The following EYS variants were observed in gnomAD, a reference collection of about 807,000 sequenced individuals.
EYS encodes protein eyes shut homolog.
In EYS, 250 loss-of-function variants were observed where a neutral mutation model predicts 282.1. The observed-to-expected ratio is 0.89, with a 90% CI of 0.80 to 0.98. The LOEUF (loss-of-function observed/expected upper bound fraction) is 0.98. EYS is among the 50% of genes least tolerant of loss of function. The pLI is 0.00. For missense variants in EYS, 4,016 were observed against 3,709.0 expected (o/e 1.08, Z -2.15); for synonymous variants, 1,355 against 1,282.9 (o/e 1.06, Z -1.20).
intron 12 of EYS, among the ~76,000 whole-genome samples, chr6:65,225,938 A>G (rs980627439): frequency 1.3e-5 from 2 of 152,078 alleles, no homozygotes; most frequent in African/African-American, 2.4e-5. Flanking sequence ...ATTATATTCA[A>G]TAACAAAAGA....
At chr6:63,756,610 G>A (rs1400324523) in intron 41 of EYS, among the ~76,000 whole-genome samples, 4 of 152,114 alleles carry the variant, frequency 2.6e-5, no homozygotes, top group African/African-American at 9.7e-5. Flanking sequence ...TCTCTGCCAG[G>A]CTTTGGTATC....
intron 30 of EYS, among the ~76,000 whole-genome samples, chr6:64,281,648 G>A (rs752284552): frequency 5.9e-5 from 9 of 152,104 alleles, no homozygotes; most frequent in Non-Finnish European, 1.0e-4. Context: ...AATCTTTTAA[G>A]CAAAGAATTG....
In EYS at chr6:64,797,682, T is replaced by C. The variant is rs145744290; in HGVS notation, c.3443+15696A>G. Among the ~76,000 whole-genome samples, 533 of 152,152 alleles carry C rather than the reference T, an allele frequency of 3.5e-3. 5 individuals are homozygous for C. The highest frequency in any genetic ancestry group is 0.016 in the East Asian group (84 of 5,180). ...TTAAATTATACTTTAAGTTTTAGGG[T>C]ACATGTGCACAATGTAAAAATATGT... On this transcript the variant is annotated intron_variant, in intron 22 of 42. Transcript: ENST00000503581.
intron 22 of EYS, chr6:64,631,471 G>C (rs1158401467): frequency 6.6e-6 from 1 of 152,080 alleles, no homozygotes; most frequent in South Asian, 2.1e-4. Flanking sequence ...TCCTCCTTTA[G>C]GCCCTCACTA....
rs56014632 is a variant in EYS, at chr6:65,485,805, C to CA, written c.862+4788dup. The stretch of plus-strand genomic sequence containing the variant: ...GGTGAAACAGTGAGACTGCCTCAAA[C>CA]AAAAAAAAAAATGTGAGCCATATTA... On this transcript the variant is annotated intron_variant, in intron 5 of 42. Coordinates refer to ENST00000503581, the MANE Select transcript of EYS (RefSeq NM_001142800.2). Among the ~76,000 whole-genome samples the CA allele has an allele frequency of 3.2e-4, 47 of 147,850 alleles. 1 individual carries two copies. Among genetic ancestry groups the CA allele is most frequent in the South Asian group, 1.1e-3 (5 of 4,690 alleles).
chr6:64,442,617 G>A (rs183901303), intron 26 of EYS, among the ~76,000 whole-genome samples: 3 of 152,282 alleles, frequency 2.0e-5, no homozygotes, highest in Non-Finnish European at 2.9e-5. Context: ...GGGTATTTCC[G>A]CTGTGTGCAG....
chr6:64,620,447 G>T (rs1054031803), intron 23 of EYS, among the ~76,000 whole-genome samples: 1 of 152,120 alleles, frequency 6.6e-6, no homozygotes, highest in Non-Finnish European at 1.5e-5. Flanking sequence ...CAGATTTTAG[G>T]TATGTTTCTT....
At chr6:63,756,700 C>G (rs944402450) in intron 41 of EYS, among the ~76,000 whole-genome samples, 4 of 152,048 alleles carry the variant, frequency 2.6e-5, no homozygotes, top group African/African-American at 9.7e-5. Flanking sequence ...TGGCTGGAGC[C>G]ACGGCAGAGG....
chr6:65,639,444 A>G (rs1367522379), intron 2 of EYS, among the ~76,000 whole-genome samples: 1 of 151,952 alleles, frequency 6.6e-6, no homozygotes, highest in African/African-American at 2.4e-5. Flanking sequence ...AAAGAGATGC[A>G]TTTAATAATG....
intron 37 of EYS, among the ~76,000 whole-genome samples, chr6:63,789,518 A>G (rs917719940): frequency 6.6e-6 from 1 of 152,210 alleles, no homozygotes; most frequent in Non-Finnish European, 1.5e-5. Context: ...TGTCGGAGTG[A>G]AATTCAGTGT....
At position 64,973,109 on chromosome 6, in the gene EYS, C is replaced by T. The variant is rs117362301; in HGVS notation, c.2259+24473G>A. ...CTATATGATTTATAGCCCTATATAC[C>T]GAAAGGACTAGAAATACTGTTATTT... On this transcript the variant is annotated intron_variant, in intron 14 of 42. Coordinates refer to ENST00000503581, the MANE Select transcript of EYS (RefSeq NM_001142800.2). 3.3e-4 allele frequency among the ~76,000 whole-genome samples: 50 copies of T among 151,850 alleles called. No individual in the cohort carries two copies. The East Asian group carries it at 7.6e-3, about 23-fold the overall frequency.
intron 28 of EYS, among the ~76,000 whole-genome samples, chr6:64,408,566 G>T (rs935624901): frequency 2.0e-5 from 3 of 152,092 alleles, no homozygotes; most frequent in East Asian, 1.9e-4. Context: ...CCAACACAGG[G>T]TATTCTCCTA....
At chr6:65,615,597 C>G (rs1295092935) in intron 2 of EYS, among the ~76,000 whole-genome samples, 1 of 151,632 alleles carries the variant, frequency 6.6e-6, no homozygotes, top group Non-Finnish European at 1.5e-5. Context: ...ATGTTTTCCC[C>G]CAGGGCATCT....
At chr6:63,912,885 C>A (rs866929047) in intron 35 of EYS, among the ~76,000 whole-genome samples, 3 of 151,628 alleles carry the variant, frequency 2.0e-5, no homozygotes, top group Non-Finnish European at 4.4e-5. Context: ...CCTGTGTAGC[C>A]CTCAGAACTG....
At chr6:63,984,267 T>C (rs1767244894) in intron 35 of EYS, 116 bp downstream of exon 35, 3 of 713,980 alleles carry the variant, frequency 4.2e-6, no homozygotes, top group Non-Finnish European at 4.8e-6. Context: ...ATAGAAAAAC[T>C]TGAGAATTCT....
In EYS at chr6:65,441,552, G is replaced by A. The variant is rs369561626; in HGVS notation, c.863-36185C>T. Among the ~76,000 whole-genome samples the A allele has an allele frequency of 5.9e-3, 900 of 152,030 alleles. 17 individuals are homozygous for A. The highest frequency in any genetic ancestry group is 0.039 in the South Asian group (190 of 4,826). ...TCAGCTGTTCTATGTGTTGACAGACGGTTGCAGATCAAAACTGTGCATCAA... is the reference window on the plus strand; with the variant it reads ...TCAGCTGTTCTATGTGTTGACAGACAGTTGCAGATCAAAACTGTGCATCAA... On this transcript the variant is annotated intron_variant, in intron 5 of 42. Coordinates refer to ENST00000503581, the MANE Select transcript of EYS (RefSeq NM_001142800.2).
intron 22 of EYS, among the ~76,000 whole-genome samples, chr6:64,801,993 T>A (rs943976934): frequency 1.3e-5 from 2 of 151,516 alleles, no homozygotes; most frequent in African/African-American, 2.4e-5. Flanking sequence ...TACTAATTTG[T>A]TATAAGAGAG....
intron 36 of EYS, among the ~76,000 whole-genome samples, chr6:63,839,445 T>C (rs1031053725): frequency 5.3e-4 from 80 of 152,238 alleles, no homozygotes; most frequent in African/African-American, 1.7e-3. Context: ...TATGACATTT[T>C]CTTTATCCAT....
chr6:64,360,730 A>G (rs374224730), intron 29 of EYS, among the ~76,000 whole-genome samples: 1 of 151,760 alleles, frequency 6.6e-6, no homozygotes, highest in Non-Finnish European at 1.5e-5. Flanking sequence ...TTCTATTTCT[A>G]TATGCAGTTG....
Sources: gnomAD v4.1 joint callset for allele counts (sites outside exome capture counted in the v4.1 genomes callset) on GRCh38, gnomAD v4.1.1 for gene constraint, MANE v1.5 for transcripts, NCBI Gene and HGNC (gene_info 2026-07-23, HGNC 2026-07-21) for gene names.